PLEKHG1: variants seen among roughly 807,000 people sequenced by gnomAD.
The protein encoded by PLEKHG1 is pleckstrin homology and RhoGEF domain containing G1, also known as pleckstrin homology domain-containing family G member 1.
PLEKHG1 carries 44 observed loss-of-function variants against 100.8 expected under a neutral mutation model. The ratio of observed to expected loss-of-function variants is 0.44; its 90% CI spans 0.34 to 0.56. PLEKHG1 has a LOEUF of 0.56. PLEKHG1 is among the 20% of genes least tolerant of loss of function. The probability of loss-of-function intolerance (pLI) is 0.01; values close to 1 mark genes in which losing one functional copy is unlikely to be tolerated. For missense variants in PLEKHG1, 1,545 were observed against 1,720.9 expected, an observed-to-expected ratio of 0.90 and a Z score of 1.81; for synonymous variants, 640 against 662.5, an observed-to-expected ratio of 0.97 and a Z score of 0.52.
intron 4 of PLEKHG1, among the ~76,000 whole-genome samples, chr6:150,794,945 T>A (rs1370383960): frequency 6.6e-6 from 1 of 151,950 alleles, no homozygotes. Context: ...TTTTAGAATT[T>A]AAAAAAATTA....
At chr6:150,756,191 T>C (rs1783831314) in intron 2 of PLEKHG1, among the ~76,000 whole-genome samples, 1 of 152,146 alleles carries the variant, frequency 6.6e-6, no homozygotes, top group Non-Finnish European at 1.5e-5. Context: ...CCATGCTCTT[T>C]GAGAAAGTCA....
chr6:150,840,194 C>T, exon 16 of PLEKHG1: 1 of 1,614,188 alleles, frequency 6.2e-7, no homozygotes, highest in Non-Finnish European at 8.5e-7. Context: ...TAAGTCAGCC[C>T]AACAAAGAGA....
intron 1 of PLEKHG1, among the ~76,000 whole-genome samples, chr6:150,627,987 G>A (rs1432175703): frequency 1.3e-5 from 2 of 152,082 alleles, no homozygotes; most frequent in Admixed American, 6.6e-5. Flanking sequence ...AACTGATATG[G>A]GCCTACATTA....
At chr6:150,827,842 A>G in intron 14 of PLEKHG1, 2 of 1,438,144 alleles carry the variant, frequency 1.4e-6, no homozygotes, top group South Asian at 2.3e-5. Flanking sequence ...GAGGATCACG[A>G]AGGCGAGTTT....
At chr6:150,612,568 G>C (rs1486601168) in intron 1 of PLEKHG1, among the ~76,000 whole-genome samples, 1 of 152,086 alleles carries the variant, frequency 6.6e-6, no homozygotes, top group East Asian at 1.9e-4. Context: ...CCTGACCTCA[G>C]GTGATTCACC....
At chr6:150,646,527 T>C (rs1778507991) in intron 2 of PLEKHG1, among the ~76,000 whole-genome samples, 1 of 152,186 alleles carries the variant, frequency 6.6e-6, no homozygotes, top group African/African-American at 2.4e-5. Context: ...GATGATGTTA[T>C]TCCACCCACT....
At chr6:150,672,140 A>T (rs544400097) in intron 3 of PLEKHG1, among the ~76,000 whole-genome samples, 1 of 152,254 alleles carries the variant, frequency 6.6e-6, no homozygotes, top group African/African-American at 2.4e-5. Context: ...ACACAAAAAA[A>T]TATGCAGATG....
chr6:150,732,138 A>AT (rs1384104198), intron 1 of PLEKHG1, among the ~76,000 whole-genome samples: 4 of 150,936 alleles, frequency 2.7e-5, no homozygotes, highest in East Asian at 1.9e-4. Context: ...ATTTTTTTGT[A>AT]TTTTTTTTAG....
intron 3 of PLEKHG1, among the ~76,000 whole-genome samples, chr6:150,684,540 G>A (rs954562781): frequency 1.3e-5 from 2 of 152,122 alleles, no homozygotes; most frequent in African/African-American, 4.8e-5. Context: ...GTCTGAATTT[G>A]GGCAGTTTGC....
chr6:150,702,805 T>C (rs1309878892), intron 3 of PLEKHG1, among the ~76,000 whole-genome samples: 2 of 152,116 alleles, frequency 1.3e-5, no homozygotes, highest in Non-Finnish European at 2.9e-5. Flanking sequence ...CCATAATGGG[T>C]CAACTTCCGA....
chr6:150,737,430 T>A (rs961365684), intron 2 of PLEKHG1, among the ~76,000 whole-genome samples: 2 of 151,632 alleles, frequency 1.3e-5, no homozygotes, highest in African/African-American at 2.4e-5. Context: ...TAGCTGGGAC[T>A]ATAGGCGCCC....
At chr6:150,745,704 T>C (rs1583045328) in intron 2 of PLEKHG1, among the ~76,000 whole-genome samples, 1 of 139,018 alleles carries the variant, frequency 7.2e-6, no homozygotes, top group South Asian at 2.3e-4. Context: ...AAAAGCAAAA[T>C]CACATGCGGA....
intron 3 of PLEKHG1, among the ~76,000 whole-genome samples, chr6:150,694,634 AG>A (rs1454834051): frequency 1.3e-5 from 2 of 151,288 alleles, no homozygotes; most frequent in African/African-American, 4.9e-5. Flanking sequence ...TGGGAGGCAA[AG>A]GTTGCAGTGA....
At chr6:150,687,357 T>C (rs1780176785) in intron 3 of PLEKHG1, among the ~76,000 whole-genome samples, 1 of 152,248 alleles carries the variant, frequency 6.6e-6, no homozygotes, top group African/African-American at 2.4e-5. Flanking sequence ...TGCATCACTT[T>C]ATTATGTCTG....
At chr6:150,806,968 C>T (rs1015917950) in intron 7 of PLEKHG1, among the ~76,000 whole-genome samples, 1 of 152,108 alleles carries the variant, frequency 6.6e-6, no homozygotes, top group African/African-American at 2.4e-5. Flanking sequence ...ATGAATCACC[C>T]CTTTGTCCAG....
At chr6:150,694,695 C>CT (rs1319722063) in intron 3 of PLEKHG1, among the ~76,000 whole-genome samples, 7 of 127,596 alleles carry the variant, frequency 5.5e-5, no homozygotes, top group African/African-American at 2.2e-4. Flanking sequence ...GAGACTCTGT[C>CT]TCAAAAAAAA....
At chr6:150,742,734 G>C (rs578259483) in intron 2 of PLEKHG1, among the ~76,000 whole-genome samples, 8 of 152,200 alleles carry the variant, frequency 5.3e-5, no homozygotes, top group African/African-American at 1.7e-4. Context: ...TGAGGTTTGG[G>C]CGGGGACACA....
intron 4 of PLEKHG1, among the ~76,000 whole-genome samples, chr6:150,788,306 C>T (rs1001454695): frequency 6.6e-5 from 10 of 152,196 alleles, no homozygotes; most frequent in Non-Finnish European, 1.2e-4. Flanking sequence ...GAAGATGTTA[C>T]GTCTTCTGAA....
chr6:150,677,784 G>A (rs947456822), intron 3 of PLEKHG1, among the ~76,000 whole-genome samples: 1 of 151,796 alleles, frequency 6.6e-6, no homozygotes, highest in Non-Finnish European at 1.5e-5. Context: ...GATTGAGGAG[G>A]GCGGGTCACT....
Sources: gnomAD v4.1 joint callset for allele counts (sites outside exome capture counted in the v4.1 genomes callset) on GRCh38, gnomAD v4.1.1 for gene constraint, MANE v1.5 for transcripts, NCBI Gene and HGNC (gene_info 2026-07-23, HGNC 2026-07-21) for gene names.